The following STK3 variants were observed in gnomAD, a reference collection of about 807,000 sequenced individuals.
The protein encoded by STK3 is serine/threonine kinase 3, also known as serine/threonine-protein kinase 3.
A neutral mutation model predicts 58.0 loss-of-function variants in STK3; 41 were observed. The ratio of observed to expected loss-of-function variants is 0.71; its 90% CI spans 0.55 to 0.92. The LOEUF is 0.92. Ranked by LOEUF, STK3 falls within the 40% of genes least tolerant of loss-of-function variation. The pLI is 0.00. For missense variants in STK3, 479 were observed against 602.7 expected, an observed-to-expected ratio of 0.79 and a Z score of 2.15; for synonymous variants, 170 against 191.0, an observed-to-expected ratio of 0.89 and a Z score of 0.91.
At chr8:98,654,955 G>A (rs559083761) in intron 6 of STK3, among the ~76,000 whole-genome samples, 4 of 152,000 alleles carry the variant, frequency 2.6e-5, no homozygotes, top group Non-Finnish European at 5.9e-5. Flanking sequence ...AGCTACCAGT[G>A]ACTTTCTTCA....
intron 6 of STK3, among the ~76,000 whole-genome samples, chr8:98,673,514 A>G (rs879938241): frequency 1.1e-4 from 16 of 152,194 alleles, no homozygotes; most frequent in South Asian, 4.1e-4. Flanking sequence ...CAGACACAAA[A>G]GTCACATATT....
intron 3 of STK3, among the ~76,000 whole-genome samples, chr8:98,858,930 A>C (rs182433414): frequency 7.3e-5 from 11 of 151,202 alleles, no homozygotes; most frequent in Admixed American, 5.9e-4. Context: ...ATCTCTGCAC[A>C]CTGGCAGCAA....
At chr8:98,444,463 C>G (rs1818848485) in intron 1 of STK3, among the ~76,000 whole-genome samples, 1 of 152,132 alleles carries the variant, frequency 6.6e-6, no homozygotes, top group Admixed American at 6.5e-5. Context: ...TGGCACAGAG[C>G]CCAGTTAAGG....
intron 3 of STK3, chr8:98,413,864 A>C (rs1818085460): frequency 2.0e-6 from 1 of 511,230 alleles, no homozygotes; most frequent in Non-Finnish European, 3.6e-6. Context: ...ATGGTGTGTC[A>C]AGAGGGAGTT....
At chr8:98,348,917 G>T in the STK3 span, among the ~76,000 whole-genome samples, 29 of 152,182 alleles carry the variant, frequency 1.9e-4, no homozygotes, top group Admixed American at 6.5e-5. Context: ...TTTACCAAAA[G>T]AAGTTGAAAA....
chr8:98,483,857 T>C (rs944371314), intron 10 of STK3, among the ~76,000 whole-genome samples: 2 of 152,102 alleles, frequency 1.3e-5, no homozygotes, highest in African/African-American at 4.8e-5. Context: ...CCATGGTGAT[T>C]AAGACCAGCT....
chr8:98,692,629 T>C (rs117107520), intron 6 of STK3, among the ~76,000 whole-genome samples: 3,426 of 152,234 alleles, frequency 0.023, 61 homozygotes, highest in Non-Finnish European at 0.035. Flanking sequence ...TTAAAAAATT[T>C]CTAGAAATAG....
chr8:98,887,285 T>C (rs1838026919), intron 1 of STK3, among the ~76,000 whole-genome samples: 1 of 152,146 alleles, frequency 6.6e-6, no homozygotes, highest in South Asian at 2.1e-4. Context: ...AGTGCTGAAA[T>C]GATGCTCAAA....
intron 1 of STK3, among the ~76,000 whole-genome samples, chr8:98,446,874 C>T (rs1818973050): frequency 6.6e-6 from 1 of 152,028 alleles, no homozygotes; most frequent in Non-Finnish European, 1.5e-5. Flanking sequence ...AAAGAAAATA[C>T]AGTATATATA....
intron 9 of STK3, among the ~76,000 whole-genome samples, chr8:98,535,896 T>C (rs921961597): frequency 2.0e-5 from 3 of 152,006 alleles, no homozygotes; most frequent in Admixed American, 6.6e-5. Flanking sequence ...CCTTTAGAAA[T>C]GAGGAGAGTA....
At chr8:98,915,470 A>ATATATATATAT (rs1839314010) in intron 1 of STK3, among the ~76,000 whole-genome samples, 7 of 136,136 alleles carry the variant, frequency 5.1e-5, no homozygotes, top group South Asian at 2.3e-4. Flanking sequence ...ATATATATAT[A>ATATATATATAT]GTTCTGTCCT....
chr8:98,698,814 A>C (rs1825252200), intron 6 of STK3, among the ~76,000 whole-genome samples: 1 of 151,600 alleles, frequency 6.6e-6, no homozygotes, highest in Non-Finnish European at 1.5e-5. Context: ...CTTCATTTCA[A>C]CTTTGGTGAA....
At chr8:98,826,367 T>A (rs1486794159), upstream of STK3, among the ~76,000 whole-genome samples, 2 of 152,242 alleles carry the variant, frequency 1.3e-5, no homozygotes, top group Non-Finnish European at 2.9e-5. Flanking sequence ...CTTGTTTGAT[T>A]TTTATTGTGG....
intron 6 of STK3, among the ~76,000 whole-genome samples, chr8:98,664,747 G>A (rs118147853): frequency 5.7e-4 from 87 of 152,134 alleles, no homozygotes; most frequent in Non-Finnish European, 1.2e-3. Flanking sequence ...ATGATCTCTG[G>A]CTTTGAGAAT....
At chr8:98,696,039 T>C (rs887797230) in intron 6 of STK3, among the ~76,000 whole-genome samples, 3 of 152,086 alleles carry the variant, frequency 2.0e-5, no homozygotes, top group South Asian at 2.1e-4. Context: ...TTTTATTTCA[T>C]TGAGCAGTGG....
At chr8:98,917,731 C>T (rs904514063) in intron 1 of STK3, among the ~76,000 whole-genome samples, 1 of 152,068 alleles carries the variant, frequency 6.6e-6, no homozygotes, top group Non-Finnish European at 1.5e-5. Flanking sequence ...TTATAACAAC[C>T]CAAACAAGCT....
rs765412014 is a variant in STK3, at chr8:98,825,550, G to C, written c.-10C>G. The stretch of plus-strand genomic sequence containing the variant: ...CCGGCGGCTGCTCCATGGCGGCCGG[G>C]GACAGAGAGAGGGACCTGGTGGACG... On this transcript the variant is annotated 5_prime_UTR_variant, in exon 1 of 11. Transcript: ENST00000419617. 5 of 1,456,794 alleles carry C rather than the reference G, an allele frequency of 3.4e-6. No homozygotes were observed. In the East Asian group the frequency reaches 1.6e-4, roughly 45 times the overall value. 90.2% of individuals were successfully genotyped at this position (1,456,794 alleles called of 1,614,324 possible).
At chr8:98,674,479 T>C (rs917823490) in intron 6 of STK3, among the ~76,000 whole-genome samples, 5 of 152,094 alleles carry the variant, frequency 3.3e-5, no homozygotes, top group African/African-American at 4.8e-5. Flanking sequence ...GACAAAATCA[T>C]AGGGCTAGAT....
At chr8:98,656,609 C>A (rs895713436) in intron 6 of STK3, among the ~76,000 whole-genome samples, 1 of 152,034 alleles carries the variant, frequency 6.6e-6, no homozygotes, top group Non-Finnish European at 1.5e-5. Flanking sequence ...ATTTGATACA[C>A]CCTACTTGAT....
Sources: gnomAD v4.1 joint callset for allele counts (sites outside exome capture counted in the v4.1 genomes callset) on GRCh38, gnomAD v4.1.1 for gene constraint, MANE v1.5 for transcripts, NCBI Gene and HGNC (gene_info 2026-07-23, HGNC 2026-07-21) for gene names.